Variants in CNTFR observed in about 807,000 individuals in gnomAD.
CNTFR encodes ciliary neurotrophic factor receptor, also known as ciliary neurotrophic factor receptor subunit alpha.
A neutral mutation model predicts 40.4 loss-of-function variants in CNTFR; 12 were observed. That is an observed-to-expected ratio of 0.30 (90% CI 0.19 to 0.48). The LOEUF (loss-of-function observed/expected upper bound fraction) is 0.48, where lower values mean the gene tolerates loss of function less well. Among genes scored for constraint, CNTFR ranks in the 20% least tolerant of loss-of-function variants. The pLI is 0.99. For synonymous variants in CNTFR, 202 were observed against 209.6 expected (o/e 0.96, Z 0.31); for missense variants, 414 against 506.8 (o/e 0.82, Z 1.76).
At chr9:34,567,198 C>T (rs1031276090) in intron 3 of CNTFR, among the ~76,000 whole-genome samples, 2 of 151,810 alleles carry the variant, frequency 1.3e-5, no homozygotes, top group Non-Finnish European at 2.9e-5. Context: ...GTTCTTGGCC[C>T]TGAAGCGGTG....
Position 34,552,723 on chromosome 9 carries a change from C to G in CNTFR, c.900G>C (p.Thr300=), listed in dbSNP as rs370421369. The change falls in exon 8 of 10, where the codon ACG becomes ACC. Residue 300 remains threonine (T), a synonymous_variant. Transcript: ENST00000378980. The surrounding 1 kb of genome is among the most constrained non-coding windows in gnomAD (Gnocchi z 5.1). ...GGTGTCGCGGTTCCTCAGTCCAGGGCGTAGCGTGGGCGGCTACGCTCCAGT... is the reference window on the plus strand; with the variant it reads ...GGTGTCGCGGTTCCTCAGTCCAGGGGGTAGCGTGGGCGGCTACGCTCCAGT... ...WSDWSVAAHA[T]PWTEEPRHLT... is the part of the protein sequence containing the mutation. 15 of 1,613,756 alleles carry G rather than the reference C, an allele frequency of 9.3e-6. No individual in the cohort carries two copies. Among genetic ancestry groups the G allele is most frequent in the Non-Finnish European group, 1.3e-5 (15 of 1,179,974 alleles).
intron 4 of CNTFR, among the ~76,000 whole-genome samples, chr9:34,564,004 G>A (rs1016553885): frequency 1.3e-5 from 2 of 152,116 alleles, no homozygotes; most frequent in African/African-American, 4.8e-5. Flanking sequence ...CAGCCCAAGT[G>A]GCCTTTACAT....
At chr9:34,565,951 T>TG (rs940396133) in intron 3 of CNTFR, among the ~76,000 whole-genome samples, 2 of 134,916 alleles carry the variant, frequency 1.5e-5, no homozygotes, top group African/African-American at 2.7e-5. Flanking sequence ...GCAGTTGGGG[T>TG]GGGGGGCTGC....
In CNTFR at chr9:34,568,887, G is replaced by T; in HGVS notation, c.85+10C>A. 6.3e-7 allele frequency: 1 copy of T among 1,579,424 alleles called. No individual in the cohort carries two copies. Among genetic ancestry groups the T allele is most frequent in the African/African-American group, 1.3e-5 (1 of 74,076 alleles). ...AGGGGGGTCAGCAGGCGGCTCCCGT[G>T]AGCACTCACCCTGTGGACTGTGTCT... is the stretch of plus-strand genomic sequence containing the variant. On this transcript the variant is annotated intron_variant, in intron 3 of 9. Transcript: ENST00000378980.
Position 34,557,575 on chromosome 9 carries a change from A to G in CNTFR, c.555T>C (p.Asn185=), listed in dbSNP as rs1564059004. 1 of 1,614,174 alleles carries G rather than the reference A, an allele frequency of 6.2e-7. No individual in the cohort carries two copies. The highest frequency in any genetic ancestry group is 2.2e-5 in the East Asian group (1 of 44,880). ...IKYKVSISVS[N]ALGHNATAIT... Reference sequence around the variant, plus strand: ...TAGCTGTGGCATTGTGGCCCAGGGCATTGCTGACACTTATGGAGACCTTGT... The same window carrying G: ...TAGCTGTGGCATTGTGGCCCAGGGCGTTGCTGACACTTATGGAGACCTTGT... The change falls in exon 6 of 10, where the codon AAT becomes AAC. Residue 185 remains asparagine, a synonymous_variant. Coordinates refer to ENST00000378980, the MANE Select transcript of CNTFR (RefSeq NM_147164.3). The surrounding 1 kb of genome is among the most constrained non-coding windows in gnomAD (Gnocchi z 4.2).
chr9:34,583,013 C>T, intron 1 of CNTFR, among the ~76,000 whole-genome samples: 1 of 152,182 alleles, frequency 6.6e-6, no homozygotes, highest in East Asian at 1.9e-4. Flanking sequence ...ACGCACATTA[C>T]ACCAGCTGCT....
intron 2 of CNTFR, among the ~76,000 whole-genome samples, chr9:34,573,982 G>T (rs959937766): frequency 6.6e-6 from 1 of 152,232 alleles, no homozygotes. Flanking sequence ...GCTGAGGGGG[G>T]AGCCTGGAAG....
chr9:34,562,734 T>C (rs1826121719), intron 4 of CNTFR, among the ~76,000 whole-genome samples: 1 of 152,086 alleles, frequency 6.6e-6, no homozygotes, highest in South Asian at 2.1e-4. Context: ...AGAAAAGAAA[T>C]GAAGAAATGG....
chr9:34,567,100 T>G (rs895296974), intron 3 of CNTFR, among the ~76,000 whole-genome samples: 5 of 152,234 alleles, frequency 3.3e-5, no homozygotes, highest in African/African-American at 1.2e-4. Flanking sequence ...CTTTTGTCTC[T>G]GGACAGCTCT....
In CNTFR at chr9:34,556,386, G is replaced by A; in HGVS notation, c.637C>T (p.Arg213Trp). Residue 213 changes from arginine (R) to tryptophan (W), a missense_variant, in exon 7 of 10, where the codon CGG becomes TGG. Around this residue, in one of 3 missense-constraint regions of CNTFR, gnomAD observed 83 missense variants for 145.0 expected, o/e 0.57. Transcript: ENST00000378980. ...KPDPPENVVA[R>W]PVPSNPRRLE... is the part of the protein sequence containing the mutation. The stretch of plus-strand genomic sequence containing the variant: ...CGGCGAGGGTTGCTGGGCACTGGCC[G>A]GGCTACCACATTTTCTGGAGGATCA... The A allele has an allele frequency of 1.2e-6, 2 of 1,612,844 alleles. No homozygotes were observed. The highest frequency in any genetic ancestry group is 1.7e-6 in the Non-Finnish European group (2 of 1,179,242).
intron 2 of CNTFR, among the ~76,000 whole-genome samples, chr9:34,574,658 G>GT (rs1409677000): frequency 6.6e-6 from 1 of 152,256 alleles, no homozygotes; most frequent in Admixed American, 6.5e-5. Flanking sequence ...GCCCAATTGA[G>GT]TGAGTTGGGG....
At chr9:34,580,364 T>C (rs1050835319) in intron 2 of CNTFR, among the ~76,000 whole-genome samples, 11 of 152,078 alleles carry the variant, frequency 7.2e-5, no homozygotes, top group African/African-American at 2.7e-4. Context: ...CTTCCTCCTC[T>C]CCTGGGCCCC....
At chr9:34,585,269 T>C (rs1337503154) in intron 1 of CNTFR, among the ~76,000 whole-genome samples, 1 of 152,162 alleles carries the variant, frequency 6.6e-6, no homozygotes, top group African/African-American at 2.4e-5. Context: ...CTGTGCAACC[T>C]TCCTGGGTGT....
chr9:34,580,673 G>A (rs535615386), intron 2 of CNTFR, among the ~76,000 whole-genome samples: 36 of 152,284 alleles, frequency 2.4e-4, no homozygotes, highest in African/African-American at 8.7e-4. Context: ...AGTCAGGCTC[G>A]GCCCCACAGC....
chr9:34,560,645 C>G (rs1826031068), intron 4 of CNTFR, among the ~76,000 whole-genome samples: 1 of 152,232 alleles, frequency 6.6e-6, no homozygotes, highest in Non-Finnish European at 1.5e-5. Context: ...CGTGTGAGTG[C>G]ATGTTAAAGA....
chr9:34,574,157 G>A (rs975163774), intron 2 of CNTFR, among the ~76,000 whole-genome samples: 1 of 152,124 alleles, frequency 6.6e-6, no homozygotes, highest in Admixed American at 6.5e-5. Context: ...ACCAGGCCGA[G>A]GAGGGAGGCC....
At position 34,562,193 on chromosome 9, in the gene CNTFR, T is replaced by C. The variant is rs150196114; in HGVS notation, c.319+2406A>G. 2.0e-4 allele frequency among the ~76,000 whole-genome samples: 31 copies of C among 152,292 alleles called. 1 individual carries two copies. The East Asian group carries it at 3.5e-3, about 17-fold the overall frequency. On this transcript the variant is annotated intron_variant, in intron 4 of 9. Coordinates refer to ENST00000378980, the MANE Select transcript of CNTFR (RefSeq NM_147164.3). ...AGGGATGTGGGTGACCGGTGCCAAGTTGGGTTCATCCTTTTTCCATGGCAC... is the reference window on the plus strand; with the variant it reads ...AGGGATGTGGGTGACCGGTGCCAAGCTGGGTTCATCCTTTTTCCATGGCAC...
In CNTFR at chr9:34,552,051, G is replaced by T; in HGVS notation, c.*20C>A. ...CTGCTCCTCTGCAGGTGCTCTGCAT[G>T]TCCTCATGGGGTGCCGGGCTCTGTA... On this transcript the variant is annotated 3_prime_UTR_variant, in exon 10 of 10. Coordinates refer to ENST00000378980, the MANE Select transcript of CNTFR (RefSeq NM_147164.3). This position sits in a 1 kb window ranked among gnomAD's most constrained non-coding sequence, Gnocchi z 5.1. 1 of 1,381,200 alleles carries T rather than the reference G, an allele frequency of 7.2e-7. No homozygotes were observed. Among genetic ancestry groups the T allele is most frequent in the Non-Finnish European group, 1.0e-6 (1 of 976,126 alleles). The allele number at this position is 1,381,200 out of a possible 1,614,324, so 85.6% of individuals were successfully genotyped here.
Position 34,551,750 on chromosome 9 carries a change from AGGCTCCCCTCACGTCCCCCAAG to A in CNTFR, c.*299_*320del, listed in dbSNP as rs1291728227. ...GGCAGGAGGAGAAATCGGATGTGAG[AGGCTCCCCTCACGTCCCCCAAG>A]GGCTCCTGGGAGTCGCTGGCATTGG... On this transcript the variant is annotated 3_prime_UTR_variant, in exon 10 of 10. Coordinates refer to ENST00000378980, the MANE Select transcript of CNTFR (RefSeq NM_147164.3). The A allele has an allele frequency of 1.5e-5, 8 of 546,402 alleles. No individual in the cohort carries two copies. The highest frequency in any genetic ancestry group is 2.6e-5 in the Non-Finnish European group (8 of 304,404). 33.8% of individuals were successfully genotyped at this position (546,402 alleles called of 1,614,324 possible).
Sources: gnomAD v4.1 joint callset for allele counts (sites outside exome capture counted in the v4.1 genomes callset) on GRCh38, gnomAD v4.1.1 for gene constraint, gnomAD v4.1.1 regional missense constraint, Gnocchi (gnomAD v3.1) non-coding constraint, MANE v1.5 for transcripts, NCBI Gene and HGNC (gene_info 2026-07-23, HGNC 2026-07-21) for gene names.